C12orf75: variants seen among roughly 807,000 people sequenced by gnomAD.
C12orf75 encodes chromosome 12 open reading frame 75, also known as overexpressed in colon carcinoma 1 protein.
In C12orf75, 4 loss-of-function variants were observed where a neutral mutation model predicts 11.4. That is an observed-to-expected ratio of 0.35 (90% CI 0.17 to 0.80). C12orf75 has a LOEUF of 0.80. C12orf75 is among the 30% of genes least tolerant of loss of function. C12orf75 has a pLI of 0.52. For missense variants in C12orf75, 89 were observed against 80.4 expected, an observed-to-expected ratio of 1.11 and a Z score of -0.41; for synonymous variants, 30 against 30.0, an observed-to-expected ratio of 1.00 and a Z score of 0.00.
intron 2 of C12orf75, among the ~76,000 whole-genome samples, chr12:105,364,693 A>C (rs545189663): frequency 6.6e-6 from 1 of 152,342 alleles, no homozygotes; most frequent in East Asian, 1.9e-4. Context: ...TTACAAGTTG[A>C]ATTCAGCCAG....
At chr12:105,361,506 G>T (rs577542360) in intron 2 of C12orf75, among the ~76,000 whole-genome samples, 1 of 152,156 alleles carries the variant, frequency 6.6e-6, no homozygotes, top group Admixed American at 6.5e-5. Flanking sequence ...CCAAAAAAAC[G>T]ACCTTTAGGG....
chr12:105,339,019 C>T (rs371969712), intron 1 of C12orf75, among the ~76,000 whole-genome samples: 2 of 152,106 alleles, frequency 1.3e-5, no homozygotes, highest in South Asian at 4.1e-4. Context: ...GACACATTGA[C>T]CTGAATTTTT....
intron 5 of C12orf75, among the ~76,000 whole-genome samples, chr12:105,369,078 A>G (rs981315408): frequency 5.3e-5 from 8 of 152,256 alleles, no homozygotes; most frequent in South Asian, 2.1e-4. Flanking sequence ...CAAAAAGCAT[A>G]GAAATAGAGT....
chr12:105,358,371 T>C (rs1346589740), intron 2 of C12orf75, among the ~76,000 whole-genome samples: 1 of 151,976 alleles, frequency 6.6e-6, no homozygotes, highest in Non-Finnish European at 1.5e-5. Flanking sequence ...AAAACATATA[T>C]GTTAGCCAGG....
chr12:105,344,925 G>A (rs1892617945), intron 1 of C12orf75, among the ~76,000 whole-genome samples: 1 of 151,574 alleles, frequency 6.6e-6, no homozygotes, highest in Non-Finnish European at 1.5e-5. Flanking sequence ...AAGCTAAAAA[G>A]ATATTATTTT....
chr12:105,337,368 G>A (rs1161224471), intron 1 of C12orf75, among the ~76,000 whole-genome samples: 1 of 152,050 alleles, frequency 6.6e-6, no homozygotes, highest in East Asian at 1.9e-4. Context: ...CAAATAAAGA[G>A]TTTAATCATT....
intron 1 of C12orf75, among the ~76,000 whole-genome samples, chr12:105,340,613 A>C (rs1892559902): frequency 1.3e-5 from 2 of 152,168 alleles, no homozygotes; most frequent in Admixed American, 1.3e-4. Context: ...AGGGAAGGAC[A>C]AAGATAAGAA....
At chr12:105,340,322 C>T (rs574970294) in intron 1 of C12orf75, among the ~76,000 whole-genome samples, 30 of 151,158 alleles carry the variant, frequency 2.0e-4, no homozygotes, top group African/African-American at 2.4e-4. Flanking sequence ...CTACTTGGGA[C>T]GCTGAGGCAG....
In C12orf75 at chr12:105,345,512, C is replaced by CA. The variant is rs201245748; in HGVS notation, c.47-3087dup. On this transcript the variant is annotated intron_variant, in intron 1 of 5. Transcript: ENST00000443585. ...AAACAAATATAAAAAAAAAAGAAGT[C>CA]AAAGTATTTTACCCCAAAATATATT... Among the ~76,000 whole-genome samples the CA allele has an allele frequency of 2.8e-3, 431 of 151,892 alleles. 1 individual carries two copies. Among genetic ancestry groups the CA allele is most frequent in the African/African-American group, 9.8e-3 (405 of 41,442 alleles).
intron 2 of C12orf75, among the ~76,000 whole-genome samples, chr12:105,355,922 C>T (rs1019543036): frequency 2.0e-5 from 3 of 152,144 alleles, no homozygotes; most frequent in African/African-American, 7.2e-5. Context: ...TCTCTTGCTT[C>T]TGGATAAAGA....
At chr12:105,364,430 C>T (rs944512011) in intron 2 of C12orf75, among the ~76,000 whole-genome samples, 2 of 152,228 alleles carry the variant, frequency 1.3e-5, no homozygotes, top group African/African-American at 4.8e-5. Flanking sequence ...GGATTTTGCA[C>T]TCTCTTCCAG....
intron 1 of C12orf75, among the ~76,000 whole-genome samples, chr12:105,339,419 CACAT>C: frequency 7.3e-6 from 1 of 136,150 alleles, no homozygotes; most frequent in East Asian, 2.1e-4. Flanking sequence ...ACAAATTCTT[CACAT>C]ACATAATTTT....
At chr12:105,347,815 T>C (rs1892657747) in intron 1 of C12orf75, among the ~76,000 whole-genome samples, 1 of 152,258 alleles carries the variant, frequency 6.6e-6, no homozygotes, top group South Asian at 2.1e-4. Context: ...GAGATGCATG[T>C]GACTCTTTTT....
intron 2 of C12orf75, among the ~76,000 whole-genome samples, chr12:105,362,083 T>A (rs1430885217): frequency 6.6e-6 from 1 of 152,140 alleles, no homozygotes; most frequent in African/African-American, 2.4e-5. Context: ...TTGAGTGGGA[T>A]GATAAAAATT....
At chr12:105,365,146 C>A (rs995584475) in intron 2 of C12orf75, among the ~76,000 whole-genome samples, 1 of 152,132 alleles carries the variant, frequency 6.6e-6, no homozygotes, top group African/African-American at 2.4e-5. Context: ...TTGGATTCCT[C>A]TTAATGCAAG....
chr12:105,357,262 G>A (rs1892795784), intron 2 of C12orf75, among the ~76,000 whole-genome samples: 1 of 152,254 alleles, frequency 6.6e-6, no homozygotes, highest in Admixed American at 6.5e-5. Context: ...TTCACAGGAA[G>A]TGAGCTAGAA....
At chr12:105,356,703 C>T (rs1892786548) in intron 2 of C12orf75, among the ~76,000 whole-genome samples, 1 of 151,978 alleles carries the variant, frequency 6.6e-6, no homozygotes, top group African/African-American at 2.4e-5. Context: ...TGACATGGTT[C>T]CATTATTTCA....
intron 1 of C12orf75, among the ~76,000 whole-genome samples, chr12:105,339,606 TTTTCTTTC>T (rs764909487): frequency 1.3e-5 from 2 of 151,972 alleles, no homozygotes; most frequent in East Asian, 3.9e-4. Flanking sequence ...GTATATGACC[TTTTCTTTC>T]TTTCTTTCTT....
chr12:105,354,439 A>T (rs1362406891), intron 2 of C12orf75, among the ~76,000 whole-genome samples: 1 of 152,168 alleles, frequency 6.6e-6, no homozygotes, highest in Non-Finnish European at 1.5e-5. Context: ...CAGAATAATG[A>T]TGTTTCATTT....
Sources: gnomAD v4.1 joint callset for allele counts (sites outside exome capture counted in the v4.1 genomes callset) on GRCh38, gnomAD v4.1.1 for gene constraint, MANE v1.5 for transcripts, NCBI Gene and HGNC (gene_info 2026-07-23, HGNC 2026-07-21) for gene names.